Variants in SLC16A9 observed in about 807,000 individuals in gnomAD.
The protein encoded by SLC16A9 is solute carrier family 16 member 9.
In SLC16A9, 26 loss-of-function variants were observed where a neutral mutation model predicts 44.3. That is an observed-to-expected ratio of 0.59 (90% CI 0.43 to 0.81). The LOEUF (loss-of-function observed/expected upper bound fraction) is 0.81, where lower values mean the gene tolerates loss of function less well. SLC16A9 is among the 40% of genes least tolerant of loss of function. The pLI is 0.00. For synonymous variants in SLC16A9, 230 were observed against 225.1 expected (o/e 1.02, Z -0.19); for missense variants, 559 against 595.8 (o/e 0.94, Z 0.64).
At chr10:59,694,140 C>A (rs909338010) in intron 1 of SLC16A9, among the ~76,000 whole-genome samples, 4 of 148,990 alleles carry the variant, frequency 2.7e-5, no homozygotes, top group Non-Finnish European at 5.9e-5. Flanking sequence ...GGGGTTTCAC[C>A]GTGTAAATCA....
chr10:59,652,891 C>T lies in SLC16A9; in HGVS notation c.1411G>A (p.Val471Ile), dbSNP rs576698927. 9.3e-6 allele frequency: 15 copies of T among 1,613,664 alleles called. No homozygotes were observed. Among genetic ancestry groups the T allele is most frequent in the Non-Finnish European group, 1.2e-5 (14 of 1,179,840 alleles). The change falls in exon 6 of 6, where the codon GTC becomes ATC. Residue 471 changes from valine (V) to isoleucine (I), a missense_variant. Physicochemically the swap from Val to Ile is conservative, Grantham distance 29. Coordinates refer to ENST00000395348, the MANE Select transcript of SLC16A9 (RefSeq NM_194298.3). ...AGCAGAATAAAACCTCCCAGCAGGA[C>T]GCAGAAGCCACTAAAATAAAATGCA... Reference protein sequence around the residue: ...DIAFYFSGFCVLLGGFILLLA... With the variant: ...DIAFYFSGFCILLGGFILLLA...
At chr10:59,661,814 C>T (rs1388962246) in intron 4 of SLC16A9, among the ~76,000 whole-genome samples, 1 of 150,518 alleles carries the variant, frequency 6.6e-6, no homozygotes, top group Middle Eastern at 3.4e-3. Context: ...AGAACAGAGG[C>T]CTCAGAAATA....
At chr10:59,665,923 T>C (rs1839604950) in intron 3 of SLC16A9, among the ~76,000 whole-genome samples, 1 of 152,214 alleles carries the variant, frequency 6.6e-6, no homozygotes, top group African/African-American at 2.4e-5. Context: ...TTTAAAGGCC[T>C]TAGGGTTCAG....
At chr10:59,694,817 TACACACACACACAC>T (rs1554874046) in intron 1 of SLC16A9, among the ~76,000 whole-genome samples, 4 of 47,692 alleles carry the variant, frequency 8.4e-5, no homozygotes, top group Non-Finnish European at 1.2e-4. Flanking sequence ...TATATATATA[TACACACACACACAC>T]ACATATATAT....
intron 2 of SLC16A9, among the ~76,000 whole-genome samples, chr10:59,675,567 A>C (rs753425771): frequency 5.3e-5 from 8 of 152,196 alleles, no homozygotes; most frequent in Non-Finnish European, 1.0e-4. Flanking sequence ...GGTGATCAGC[A>C]GCTTCCCAAT....
intron 1 of SLC16A9, 96 bp from the exon 2 acceptor site, chr10:59,684,423 AAAG>A: frequency 1.8e-6 from 1 of 563,242 alleles, no homozygotes; most frequent in Non-Finnish European, 2.9e-6. Flanking sequence ...GAAAAAAAAA[AAAG>A]GTTCTCCAAA....
At chr10:59,678,975 A>G (rs953363345) in intron 2 of SLC16A9, among the ~76,000 whole-genome samples, 6 of 152,102 alleles carry the variant, frequency 3.9e-5, no homozygotes, top group Non-Finnish European at 7.4e-5. Flanking sequence ...CTCTGCCAGC[A>G]CTCATAACTC....
intron 1 of SLC16A9, among the ~76,000 whole-genome samples, chr10:59,693,218 C>T (rs965510115): frequency 2.0e-5 from 3 of 152,126 alleles, no homozygotes; most frequent in Non-Finnish European, 2.9e-5. Flanking sequence ...AGTAAGTCTC[C>T]TCTGGGTCAA....
Position 59,653,711 on chromosome 10 carries a change from C to A in SLC16A9, c.1315G>T (p.Ala439Ser). ...AHAYGILMFF[A>S]GLGNSLGPPI... ...GGTCCTAGGCTATTTCCAAGTCCAG[C>A]AAAGAACATTAATATCCCATAGGCA... The change falls in exon 5 of 6, where the codon GCT (alanine) becomes TCT (serine). Residue 439 changes from alanine (A) to serine (S), a missense_variant. Coordinates refer to ENST00000395348, the MANE Select transcript of SLC16A9 (RefSeq NM_194298.3). 6.2e-7 allele frequency: 1 copy of A among 1,613,808 alleles called. No homozygotes were observed. Among genetic ancestry groups the A allele is most frequent in the Non-Finnish European group, 8.5e-7 (1 of 1,179,914 alleles).
intron 3 of SLC16A9, among the ~76,000 whole-genome samples, chr10:59,666,286 G>A (rs956328878): frequency 4.2e-5 from 6 of 144,266 alleles, no homozygotes; most frequent in African/African-American, 1.0e-4. Flanking sequence ...GCAACAGAGC[G>A]AGACTCTGTC....
intron 3 of SLC16A9, among the ~76,000 whole-genome samples, chr10:59,668,369 A>T (rs2132439958): frequency 6.6e-6 from 1 of 152,064 alleles, no homozygotes; most frequent in Middle Eastern, 3.4e-3. Context: ...TCCTCACACC[A>T]TCCCCACTCC....
chr10:59,701,225 C>T (rs1407768694), intron 1 of SLC16A9, among the ~76,000 whole-genome samples: 11 of 152,160 alleles, frequency 7.2e-5, no homozygotes, highest in Admixed American at 7.2e-4. Flanking sequence ...CCTAGGGTCC[C>T]CCAAAGAGTT....
chr10:59,657,703 C>T (rs1017045546), intron 4 of SLC16A9, among the ~76,000 whole-genome samples: 8 of 152,186 alleles, frequency 5.3e-5, no homozygotes, highest in African/African-American at 1.9e-4. Context: ...ATTAGGGAAA[C>T]CTAGGTCAGA....
chr10:59,658,224 A>T (rs1768073557), intron 4 of SLC16A9, among the ~76,000 whole-genome samples: 1 of 151,346 alleles, frequency 6.6e-6, no homozygotes, highest in Admixed American at 6.6e-5. Flanking sequence ...CCCTGTTTCC[A>T]GTTGTCCTGC....
chr10:59,656,484 C>T (rs900463214), intron 4 of SLC16A9, among the ~76,000 whole-genome samples: 1 of 152,210 alleles, frequency 6.6e-6, no homozygotes, highest in African/African-American at 2.4e-5. Context: ...ATTTATTGAA[C>T]ACATAAGATA....
At chr10:59,656,697 G>T (rs1189354435) in intron 4 of SLC16A9, among the ~76,000 whole-genome samples, 1 of 152,140 alleles carries the variant, frequency 6.6e-6, no homozygotes, top group Non-Finnish European at 1.5e-5. Flanking sequence ...ACATGTGCAG[G>T]ACGTGCAGTT....
Position 59,672,904 on chromosome 10 carries a change from C to T in SLC16A9, c.206G>A (p.Cys69Tyr), listed in dbSNP as rs532030320. The T allele has an allele frequency of 6.2e-7, 1 of 1,602,442 alleles. No individual in the cohort carries two copies. Among genetic ancestry groups the T allele is most frequent in the Non-Finnish European group, 8.5e-7 (1 of 1,176,900 alleles). ...SGVGLLASPVCSLCVSSFGAR... is the reference protein window; with the variant it reads ...SGVGLLASPVYSLCVSSFGAR... Reference sequence around the variant, plus strand: ...TCCAAAAGATGAGACACAGAGACTGCAGACAGGACCTAAAAAAAGAAATGA... The same window carrying T: ...TCCAAAAGATGAGACACAGAGACTGTAGACAGGACCTAAAAAAAGAAATGA... The change falls in exon 3 of 6, where the codon TGC (cysteine) becomes TAC (tyrosine). Residue 69 changes from cysteine (C) to tyrosine (Y), a missense_variant. Cys to Tyr is a radical substitution (Grantham distance 194). Transcript: ENST00000395348.
intron 1 of SLC16A9, among the ~76,000 whole-genome samples, chr10:59,699,764 A>G (rs1384766244): frequency 6.6e-6 from 1 of 151,998 alleles, no homozygotes; most frequent in Non-Finnish European, 1.5e-5. Context: ...AGCTCCCCCA[A>G]AATCTTTAAG....
At chr10:59,663,189 G>A (rs903893342) in intron 4 of SLC16A9, among the ~76,000 whole-genome samples, 6 of 151,878 alleles carry the variant, frequency 4.0e-5, no homozygotes, top group Non-Finnish European at 7.4e-5. Flanking sequence ...AAGAAACCCC[G>A]TCTCTACTAA....
Sources: allele counts gnomAD v4.1 joint callset (sites outside exome capture counted in the v4.1 genomes callset), GRCh38; gene constraint gnomAD v4.1.1; transcripts MANE v1.5; gene names NCBI Gene and HGNC (gene_info 2026-07-23, HGNC 2026-07-21).